HTRA1: variants seen among roughly 807,000 people sequenced by gnomAD.
The protein encoded by HTRA1 is HtrA serine peptidase 1.
In HTRA1, 26 loss-of-function variants were observed where a neutral mutation model predicts 49.7. That is an observed-to-expected ratio of 0.52 (90% CI 0.38 to 0.73). The LOEUF is 0.73. HTRA1 is among the 30% of genes least tolerant of loss of function. HTRA1 has a pLI of 0.00. For synonymous variants in HTRA1, 291 were observed against 286.9 expected, an observed-to-expected ratio of 1.01 and a Z score of -0.14; for missense variants, 561 against 667.2, an observed-to-expected ratio of 0.84 and a Z score of 1.75.
intron 8 of HTRA1, 67 bp downstream of exon 8, chr10:122,512,132 G>C: frequency 2.6e-6 from 3 of 1,138,710 alleles, no homozygotes; most frequent in African/African-American, 1.5e-5. Context: ...CAGGAAGAGG[G>C]AGCGCTGTTC....
chr10:122,477,295 G>A (rs1428181599), intron 1 of HTRA1, among the ~76,000 whole-genome samples: 4 of 152,122 alleles, frequency 2.6e-5, no homozygotes, highest in South Asian at 2.1e-4. Flanking sequence ...AGCCATGCTC[G>A]GGGCTGAAGG....
chr10:122,489,405 ACT>A lies in HTRA1; in HGVS notation c.573-15_573-14del. On this transcript the variant is annotated splice_polypyrimidine_tract_variant and intron_variant, in intron 2 of 8. Coordinates refer to ENST00000368984, the MANE Select transcript of HTRA1 (RefSeq NM_002775.5). ...TAAGGTGCTACAGGCTTAAGTGTGT[ACT>A]CCTTTGGATTTTAGGCTTCCGTTTT... 1 of 1,611,808 alleles carries A rather than the reference ACT, an allele frequency of 6.2e-7. No homozygotes were observed. Among genetic ancestry groups the A allele is most frequent in the Non-Finnish European group, 8.5e-7 (1 of 1,177,984 alleles).
At position 122,461,598 on chromosome 10, in the gene HTRA1, C is replaced by A; in HGVS notation, c.-55C>A. On this transcript the variant is annotated 5_prime_UTR_variant, in exon 1 of 9. Coordinates refer to ENST00000368984, the MANE Select transcript of HTRA1 (RefSeq NM_002775.5). Reference sequence around the variant, plus strand: ...AGGCCCTCCTGCACTCTCCCCGGCGCCGCTCTCCGGCCCTCGCCCTGTCCG... The same window carrying A: ...AGGCCCTCCTGCACTCTCCCCGGCGACGCTCTCCGGCCCTCGCCCTGTCCG... The A allele has an allele frequency of 8.6e-7, 1 of 1,159,980 alleles. No homozygotes were observed. Among genetic ancestry groups the A allele is most frequent in the Non-Finnish European group, 1.1e-6 (1 of 885,926 alleles). 71.9% of individuals were successfully genotyped at this position (1,159,980 alleles called of 1,614,324 possible).
rs1265771036 is a variant in HTRA1, at chr10:122,464,935, G to A, written c.472+2811G>A. 2.0e-5 allele frequency among the ~76,000 whole-genome samples: 3 copies of A among 152,186 alleles called. No homozygotes were observed. The highest frequency in any genetic ancestry group is 4.8e-5 in the African/African-American group (2 of 41,452). The stretch of plus-strand genomic sequence containing the variant: ...ACACGGATCTGGAGACAGAGCTCTC[G>A]AGGCAGGAGCGGGTGCTGCGATTTC... On this transcript the variant is annotated intron_variant, in intron 1 of 8. Transcript: ENST00000368984. This position sits in a 1 kb window ranked among gnomAD's most constrained non-coding sequence, Gnocchi z 4.8.
chr10:122,497,419 C>T (rs1389871972), intron 3 of HTRA1, among the ~76,000 whole-genome samples: 8 of 152,272 alleles, frequency 5.3e-5, no homozygotes, highest in African/African-American at 9.6e-5. Flanking sequence ...GGCAACTTCC[C>T]TGCATTTGGG....
chr10:122,472,883 A>G (rs1211105758), intron 1 of HTRA1, among the ~76,000 whole-genome samples: 1 of 152,174 alleles, frequency 6.6e-6, no homozygotes, highest in Non-Finnish European at 1.5e-5. Flanking sequence ...GGGAAGAAGG[A>G]TATGGAATTT....
chr10:122,462,706 C>G (rs1227589624), intron 1 of HTRA1, among the ~76,000 whole-genome samples: 1 of 152,232 alleles, frequency 6.6e-6, no homozygotes, highest in Non-Finnish European at 1.5e-5. Context: ...GGTTTGGCAC[C>G]GCTCTCGTTT....
chr10:122,486,740 G>GTA (rs2097493254), intron 1 of HTRA1, among the ~76,000 whole-genome samples: 1 of 97,180 alleles, frequency 1.0e-5, no homozygotes, highest in Non-Finnish European at 2.3e-5. Flanking sequence ...TGAGAGAGGC[G>GTA]TGTGTGTGTG....
chr10:122,513,628 C>CAAAAAAA (rs10605017), intron 8 of HTRA1, among the ~76,000 whole-genome samples: 1 of 65,998 alleles, frequency 1.5e-5, no homozygotes, highest in Non-Finnish European at 2.7e-5. Flanking sequence ...GACCCCATCT[C>CAAAAAAA]AAAAAAAAAA....
intron 6 of HTRA1, 81 bp from the exon 7 acceptor site, chr10:122,510,015 G>T (rs2097504875): frequency 8.2e-7 from 1 of 1,219,136 alleles, no homozygotes; most frequent in Non-Finnish European, 1.2e-6. Context: ...CAACCTGGGG[G>T]ATTGGGCCCC....
rs369149111 is a variant in HTRA1 at position 122,461,711 on chromosome 10, C to T, written c.59C>T (p.Ala20Val). ...PLLLLLLAAP[A>V]SAQLSRAGRS... ...CTGCTGCTGCTGCTGGCGGCGCCCG[C>T]CTCGGCGCAGCTGTCCCGGGCCGGC... The change falls in exon 1 of 9, where the codon GCC becomes GTC. Residue 20 changes from alanine to valine, a missense_variant. Transcript: ENST00000368984. 12,482 of 1,297,084 alleles carry T rather than the reference C, an allele frequency of 9.6e-3. 544 individuals are homozygous for T. The East Asian group carries it at 0.19, about 19-fold the overall frequency. 80.3% of individuals were successfully genotyped at this position (1,297,084 alleles called of 1,614,324 possible). A position where few individuals can be genotyped will look rare whatever the true frequency, so the allele number is the denominator to read the frequency against.
chr10:122,472,357 ATTTC>A (rs1252919198), intron 1 of HTRA1, among the ~76,000 whole-genome samples: 1 of 140,842 alleles, frequency 7.1e-6, no homozygotes, highest in Non-Finnish European at 1.5e-5. Flanking sequence ...CAGAAATATC[ATTTC>A]TTTATTACTA....
In HTRA1 at chr10:122,490,289, C is replaced by T. The variant is rs553905009; in HGVS notation, c.777+663C>T. ...CCCAAATTATAATCATTTGAGTATA[C>T]AGCTTTTTGTGGGGGCAGGCAGAAC... On this transcript the variant is annotated intron_variant, in intron 3 of 8. Transcript: ENST00000368984. The surrounding 1 kb of genome is among the most constrained non-coding windows in gnomAD (Gnocchi z 4.2). Among the ~76,000 whole-genome samples, 4 of 152,266 alleles carry T rather than the reference C, an allele frequency of 2.6e-5. No homozygotes were observed. The highest frequency in any genetic ancestry group is 6.5e-5 in the Admixed American group (1 of 15,296).
At chr10:122,480,340 C>T (rs962405163) in intron 1 of HTRA1, among the ~76,000 whole-genome samples, 9 of 152,020 alleles carry the variant, frequency 5.9e-5, no homozygotes, top group Non-Finnish European at 7.4e-5. Context: ...CACATCAGGG[C>T]GGGCGAGGGC....
chr10:122,491,885 G>A (rs1302032426), intron 3 of HTRA1, among the ~76,000 whole-genome samples: 1 of 152,208 alleles, frequency 6.6e-6, no homozygotes, highest in Non-Finnish European at 1.5e-5. Context: ...CCACACAAAA[G>A]ACTGGTTTCC....
intron 1 of HTRA1, among the ~76,000 whole-genome samples, chr10:122,471,250 C>A (rs957698634): frequency 2.0e-5 from 3 of 152,100 alleles, no homozygotes; most frequent in African/African-American, 7.2e-5. Context: ...CTGGATGAAA[C>A]CCAGTAGGAA....
chr10:122,508,463 C>T (rs1381098468), intron 5 of HTRA1, among the ~76,000 whole-genome samples, 193 bp from the exon 6 acceptor site: 1 of 152,262 alleles, frequency 6.6e-6, no homozygotes, highest in Non-Finnish European at 1.5e-5. Flanking sequence ...GATTCTTCCA[C>T]AGCTGCGCGT....
intron 5 of HTRA1, 100 bp downstream of exon 5, chr10:122,507,502 G>A (rs1456832163): frequency 2.1e-6 from 2 of 943,410 alleles, no homozygotes; most frequent in East Asian, 2.4e-5. Flanking sequence ...GAGGCAGGGG[G>A]TCTTTTCAAA....
In HTRA1 at chr10:122,487,592, T is replaced by C. The variant is rs776651095; in HGVS notation, c.473-1310T>C. 5.9e-5 allele frequency among the ~76,000 whole-genome samples: 9 copies of C among 152,188 alleles called. No individual in the cohort carries two copies. Among genetic ancestry groups the C allele is most frequent in the Non-Finnish European group, 1.0e-4 (7 of 68,038 alleles). On this transcript the variant is annotated intron_variant, in intron 1 of 8. Coordinates refer to ENST00000368984, the MANE Select transcript of HTRA1 (RefSeq NM_002775.5). This position sits in a 1 kb window ranked among gnomAD's most constrained non-coding sequence, Gnocchi z 4.8. ...GCCCACCACGTGGGGCCACTCACTG[T>C]AATATAAACGGTCATGCATCACTGA... is the stretch of plus-strand genomic sequence containing the variant.
Sources: gnomAD v4.1 joint callset for allele counts (sites outside exome capture counted in the v4.1 genomes callset) on GRCh38, gnomAD v4.1.1 for gene constraint, Gnocchi (gnomAD v3.1) non-coding constraint, MANE v1.5 for transcripts, NCBI Gene and HGNC (gene_info 2026-07-23, HGNC 2026-07-21) for gene names.